Variants in RAPGEF5 observed in about 807,000 individuals in gnomAD.
RAPGEF5 encodes M-Ras-regulated GEF.
In RAPGEF5, 65 loss-of-function variants were observed where a neutral mutation model predicts 125.2. That is an observed-to-expected ratio of 0.52 (90% confidence interval 0.43 to 0.64). The LOEUF is 0.64. Ranked by LOEUF, RAPGEF5 falls within the 30% of genes least tolerant of loss-of-function variation. RAPGEF5 has a pLI of 0.00. For missense variants in RAPGEF5, 958 were observed against 1,048.1 expected (o/e 0.91, Z 1.19); for synonymous variants, 391 against 385.9 (o/e 1.01, Z -0.16).
At chr7:22,318,838 AC>A (rs1382624601) in intron 1 of RAPGEF5, among the ~76,000 whole-genome samples, 1 of 152,082 alleles carries the variant, frequency 6.6e-6, no homozygotes, top group African/African-American at 2.4e-5. Flanking sequence ...CAGGTGCAGC[AC>A]CTGGGTGCTC....
At chr7:22,145,640 A>G (rs1386505910) in intron 19 of RAPGEF5, among the ~76,000 whole-genome samples, 1 of 152,112 alleles carries the variant, frequency 6.6e-6, no homozygotes, top group Non-Finnish European at 1.5e-5. Flanking sequence ...TGGTCCTCAA[A>G]TTTTAGTGTG....
chr7:22,265,646 C>G (rs1562497284), intron 7 of RAPGEF5, among the ~76,000 whole-genome samples: 1 of 151,144 alleles, frequency 6.6e-6, no homozygotes, highest in Non-Finnish European at 1.5e-5. Context: ...TTTTGAAGAA[C>G]CTCCATACTG....
At chr7:22,159,379 G>T (rs1583427231) in intron 14 of RAPGEF5, among the ~76,000 whole-genome samples, 2 of 152,290 alleles carry the variant, frequency 1.3e-5, no homozygotes, top group South Asian at 4.1e-4. Flanking sequence ...TTGCAATGAG[G>T]TCTCCCTTTA....
intron 20 of RAPGEF5, among the ~76,000 whole-genome samples, chr7:22,141,086 T>A (rs3892332): frequency 0.6 from 91,681 of 151,948 alleles, 27,702 homozygotes; most frequent in East Asian, 0.68. Flanking sequence ...ATAGTGTAGA[T>A]CTTGCCTGCT....
intron 21 of RAPGEF5, among the ~76,000 whole-genome samples, chr7:22,138,320 A>G (rs1425334904): frequency 6.6e-6 from 1 of 152,188 alleles, no homozygotes; most frequent in Admixed American, 6.5e-5. Context: ...GGCACGTACT[A>G]CAGCTGCTCT....
chr7:22,197,900 G>GGA (rs113243953), intron 9 of RAPGEF5, among the ~76,000 whole-genome samples: 2 of 145,134 alleles, frequency 1.4e-5, no homozygotes, highest in Non-Finnish European at 3.1e-5. Context: ...TTTTGGGGGG[G>GGA]GGTGGTAGGA....
intron 8 of RAPGEF5, 117 bp from the exon 9 acceptor site, chr7:22,220,108 G>C: frequency 1.5e-6 from 2 of 1,301,120 alleles, no homozygotes; most frequent in South Asian, 3.0e-5. Context: ...ATTAAATCAT[G>C]GTCTTGGTAA....
intron 21 of RAPGEF5, among the ~76,000 whole-genome samples, chr7:22,138,031 A>ACACACACG (rs1554316044): frequency 7.6e-6 from 1 of 132,194 alleles, no homozygotes; most frequent in Non-Finnish European, 1.7e-5. Context: ...ACACACACAC[A>ACACACACG]CACGCACGCA....
chr7:22,334,944 A>C (rs559728459), intron 1 of RAPGEF5, among the ~76,000 whole-genome samples: 1 of 152,288 alleles, frequency 6.6e-6, no homozygotes, highest in African/African-American at 2.4e-5. Context: ...CCTGCATCTC[A>C]ACATCCTTCC....
At chr7:22,212,160 A>C (rs1461314316) in intron 9 of RAPGEF5, among the ~76,000 whole-genome samples, 1 of 152,118 alleles carries the variant, frequency 6.6e-6, no homozygotes, top group African/African-American at 2.4e-5. Flanking sequence ...TTTTTAGTAC[A>C]GACAGAGTTT....
chr7:22,290,757 A>C (rs1782915537), intron 6 of RAPGEF5, among the ~76,000 whole-genome samples: 1 of 151,942 alleles, frequency 6.6e-6, no homozygotes, highest in Non-Finnish European at 1.5e-5. Flanking sequence ...AAAAAAAAAA[A>C]AAAAAACCAC....
rs1270218251 is a variant in RAPGEF5 at position 22,316,479 on chromosome 7, ATATATATATATTTTTTT to A, written c.283-1020_283-1004del. 6.2e-4 allele frequency among the ~76,000 whole-genome samples: 58 copies of A among 92,814 alleles called. 2 individuals are homozygous for A. Among genetic ancestry groups the A allele is most frequent in the East Asian group, 2.1e-3 (6 of 2,816 alleles). The allele number at this position is 92,814 out of a possible 152,430, so 60.9% of individuals were successfully genotyped here. On this transcript the variant is annotated intron_variant, in intron 2 of 25. Coordinates refer to ENST00000665637, the MANE Select transcript of RAPGEF5 (RefSeq NM_012294.5). ...CATAGACATATATATATATATATAT[ATATATATATATTTTTTT>A]TTTTTTTTTTTTGAGGCAGGGTCTT... is the stretch of plus-strand genomic sequence containing the variant.
rs543818564 is a variant in RAPGEF5, at chr7:22,140,018, G to T, written c.2277+7C>A. The T allele has an allele frequency of 6.4e-7, 1 of 1,556,988 alleles. No individual in the cohort carries two copies. Among genetic ancestry groups the T allele is most frequent in the Non-Finnish European group, 8.7e-7 (1 of 1,148,940 alleles). Reference sequence around the variant, plus strand: ...TGTGCCCCTCACCATGGGACTCCAAGGCTCACCTCCCAGGTCTGCGACAGT... The same window carrying T: ...TGTGCCCCTCACCATGGGACTCCAATGCTCACCTCCCAGGTCTGCGACAGT... On this transcript the variant is annotated splice_region_variant and intron_variant, in intron 21 of 25. Coordinates refer to ENST00000665637, the MANE Select transcript of RAPGEF5 (RefSeq NM_012294.5).
chr7:22,302,985 T>C lies in RAPGEF5; in HGVS notation c.680+5354A>G, dbSNP rs115850144. ...GATACAGTTTTATGCATTCAAGCTT[T>C]ACAGACTGTCTATTCAAAGCCCTAC... On this transcript the variant is annotated intron_variant, in intron 5 of 25. Transcript: ENST00000665637. Among the ~76,000 whole-genome samples, 491 of 152,274 alleles carry C rather than the reference T, an allele frequency of 3.2e-3. 2 individuals carry two copies. Among genetic ancestry groups the C allele is most frequent in the African/African-American group, 0.011 (477 of 41,538 alleles).
At chr7:22,301,230 T>TGGAC (rs1783191019) in intron 5 of RAPGEF5, among the ~76,000 whole-genome samples, 1 of 152,210 alleles carries the variant, frequency 6.6e-6, no homozygotes, top group Non-Finnish European at 1.5e-5. Context: ...TAGATTATTC[T>TGGAC]TCATAAGACT....
intron 1 of RAPGEF5, among the ~76,000 whole-genome samples, chr7:22,324,100 A>C (rs114082639): frequency 6.6e-6 from 1 of 152,230 alleles, no homozygotes; most frequent in African/African-American, 2.4e-5. Flanking sequence ...AGTTTAGCTC[A>C]CACCACTTTA....
chr7:22,328,324 C>T (rs368501725), intron 1 of RAPGEF5, among the ~76,000 whole-genome samples: 1 of 152,230 alleles, frequency 6.6e-6, no homozygotes, highest in Non-Finnish European at 1.5e-5. Context: ...CGGCTTGAGC[C>T]GTGAGGGTTA....
At chr7:22,183,733 G>C (rs1322491196) in intron 11 of RAPGEF5, among the ~76,000 whole-genome samples, 1 of 152,144 alleles carries the variant, frequency 6.6e-6, no homozygotes, top group Non-Finnish European at 1.5e-5. Context: ...ATGTCATTTA[G>C]ATAGAACACC....
intron 7 of RAPGEF5, among the ~76,000 whole-genome samples, chr7:22,255,037 G>A (rs888025314): frequency 6.6e-6 from 1 of 152,110 alleles, no homozygotes; most frequent in African/African-American, 2.4e-5. Context: ...AGATCCTGGG[G>A]TTTCCTACTT....
Sources: gnomAD v4.1 joint callset for allele counts (sites outside exome capture counted in the v4.1 genomes callset) on GRCh38, gnomAD v4.1.1 for gene constraint, MANE v1.5 for transcripts, NCBI Gene and HGNC (gene_info 2026-07-23, HGNC 2026-07-21) for gene names.